The following SGMS1 variants were observed in gnomAD, a reference collection of about 807,000 sequenced individuals.
The protein encoded by SGMS1 is sphingomyelin synthase 1, also known as phosphatidylcholine:ceramide cholinephosphotransferase 1.
A neutral mutation model predicts 46.2 loss-of-function variants in SGMS1; 13 were observed. The observed-to-expected ratio is 0.28, with a 90% confidence interval of 0.18 to 0.45. The LOEUF is 0.45. Among genes scored for constraint, SGMS1 ranks in the 20% least tolerant of loss-of-function variants. The probability of loss-of-function intolerance (pLI) is 1.00; values close to 1 mark genes in which losing one functional copy is unlikely to be tolerated. For synonymous variants in SGMS1, 203 were observed against 187.8 expected, an observed-to-expected ratio of 1.08 and a Z score of -0.66; for missense variants, 324 against 519.9, an observed-to-expected ratio of 0.62 and a Z score of 3.66.
intron 2 of SGMS1, among the ~76,000 whole-genome samples, chr10:50,572,866 G>A (rs1047835806): frequency 6.6e-6 from 1 of 152,090 alleles, no homozygotes; most frequent in Non-Finnish European, 1.5e-5. Flanking sequence ...AACACCAAGA[G>A]AGAACCCTCC....
At chr10:50,429,694 T>TACACACAC (rs71471389) in intron 6 of SGMS1, among the ~76,000 whole-genome samples, 4 of 83,306 alleles carry the variant, frequency 4.8e-5, no homozygotes, top group African/African-American at 1.4e-4. Context: ...TTTCTACACA[T>TACACACAC]ACACACACAC....
chr10:50,437,687 C>T (rs1039164989), intron 5 of SGMS1, among the ~76,000 whole-genome samples: 1 of 152,186 alleles, frequency 6.6e-6, no homozygotes, highest in Non-Finnish European at 1.5e-5. Context: ...GCTAATGATT[C>T]TAACCTGAAA....
At chr10:50,574,127 G>A (rs1838359418) in intron 2 of SGMS1, among the ~76,000 whole-genome samples, 1 of 151,788 alleles carries the variant, frequency 6.6e-6, no homozygotes, top group Non-Finnish European at 1.5e-5. Context: ...TGATTCCTTG[G>A]ATATAACACC....
At position 50,418,904 on chromosome 10, in the gene SGMS1, C is replaced by T. The variant is rs114889071; in HGVS notation, c.-232+14572G>A. Among the ~76,000 whole-genome samples the T allele has an allele frequency of 1.4e-3, 214 of 152,276 alleles. 1 individual carries two copies. The highest frequency in any genetic ancestry group is 4.5e-3 in the African/African-American group (187 of 41,542). On this transcript the variant is annotated intron_variant, in intron 6 of 10. Coordinates refer to ENST00000361781, the MANE Select transcript of SGMS1 (RefSeq NM_147156.4). The stretch of plus-strand genomic sequence containing the variant: ...TATGCAGTTTCTCTTTCTGCTGTGT[C>T]CGTTACCCCGCCCCTTCAGTTGCAG...
At chr10:50,308,270 T>A in intron 9 of SGMS1, 122 bp from the exon 10 acceptor site, 1 of 842,418 alleles carries the variant, frequency 1.2e-6, no homozygotes, top group Non-Finnish European at 1.8e-6. Flanking sequence ...AAAACAGATC[T>A]AGTGAATCTA....
intron 6 of SGMS1, among the ~76,000 whole-genome samples, chr10:50,368,635 C>T (rs919886216): frequency 3.3e-4 from 51 of 152,300 alleles, no homozygotes; most frequent in African/African-American, 1.2e-3. Flanking sequence ...GGATTACAGG[C>T]GTGAGCCACT....
chr10:50,593,792 T>C (rs1018979247), intron 1 of SGMS1, among the ~76,000 whole-genome samples: 5 of 152,250 alleles, frequency 3.3e-5, no homozygotes, highest in Admixed American at 2.0e-4. Context: ...TTCATTCATT[T>C]TGTCACCACG....
At chr10:50,472,452 T>G (rs1336722092) in intron 3 of SGMS1, among the ~76,000 whole-genome samples, 1 of 152,194 alleles carries the variant, frequency 6.6e-6, no homozygotes, top group Non-Finnish European at 1.5e-5. Flanking sequence ...AGTAACATAA[T>G]GTCCTCCAGG....
chr10:50,593,400 T>C (rs1426953302), intron 1 of SGMS1, among the ~76,000 whole-genome samples: 4 of 152,252 alleles, frequency 2.6e-5, no homozygotes, highest in African/African-American at 9.6e-5. Context: ...AGGTGCTAAG[T>C]CTTGAGGTTT....
chr10:50,327,245 G>T lies in SGMS1; in HGVS notation c.701C>A (p.Thr234Lys), dbSNP rs754412711. Residue 234 changes from threonine to lysine, a missense_variant, in exon 8 of 11, where the codon ACA becomes AAA. This residue lies in a region of SGMS1 where 174 missense variants were observed against 350.1 expected (regional missense o/e 0.50). Coordinates refer to ENST00000361781, the MANE Select transcript of SGMS1 (RefSeq NM_147156.4). Reference protein sequence around the residue: ...LYRCITMYVTTLPVPGMHFNC... With the variant: ...LYRCITMYVTKLPVPGMHFNC... ...GAAATGCATACCAGGTACTGGGAGTGTAGTTACATACATTGTAATACACCG... is the reference window on the plus strand; with the variant it reads ...GAAATGCATACCAGGTACTGGGAGTTTAGTTACATACATTGTAATACACCG... 6.2e-7 allele frequency: 1 copy of T among 1,606,934 alleles called. No individual in the cohort carries two copies. The highest frequency in any genetic ancestry group is 8.5e-7 in the Non-Finnish European group (1 of 1,174,982).
At chr10:50,327,380 A>G (rs990574293) in intron 7 of SGMS1, 58 bp from the exon 8 acceptor site, 1 of 1,013,164 alleles carries the variant, frequency 9.9e-7, no homozygotes, top group African/African-American at 1.6e-5. Context: ...AGGTTCATTT[A>G]CTGTAATTTT....
intron 3 of SGMS1, among the ~76,000 whole-genome samples, chr10:50,488,024 T>TTG (rs1564926590): frequency 1.0e-4 from 14 of 138,568 alleles, no homozygotes; most frequent in African/African-American, 3.5e-4. Context: ...TTTATTTATT[T>TTG]ATTTATTGAG....
At chr10:50,445,953 G>T (rs1042617632) in intron 5 of SGMS1, among the ~76,000 whole-genome samples, 3 of 152,018 alleles carry the variant, frequency 2.0e-5, no homozygotes, top group African/African-American at 7.3e-5. Context: ...GGCTGCTTTG[G>T]GAATGTCTGT....
intron 8 of SGMS1, among the ~76,000 whole-genome samples, chr10:50,321,879 C>G (rs1847452012): frequency 6.6e-6 from 1 of 152,164 alleles, no homozygotes. Context: ...GAACTTGTGC[C>G]AGCATAGGGA....
At chr10:50,341,611 C>G (rs1431306718) in intron 7 of SGMS1, among the ~76,000 whole-genome samples, 2 of 152,292 alleles carry the variant, frequency 1.3e-5, no homozygotes, top group East Asian at 3.9e-4. Context: ...CGTCATTATT[C>G]CGTTTGTGAG....
At chr10:50,395,455 C>A (rs1040581438) in intron 6 of SGMS1, among the ~76,000 whole-genome samples, 2 of 152,148 alleles carry the variant, frequency 1.3e-5, no homozygotes, top group Non-Finnish European at 2.9e-5. Context: ...CCAACCTAAG[C>A]TTGGCAACTC....
At chr10:50,600,393 C>T (rs1201496676) in intron 1 of SGMS1, among the ~76,000 whole-genome samples, 1 of 152,190 alleles carries the variant, frequency 6.6e-6, no homozygotes, top group Non-Finnish European at 1.5e-5. Flanking sequence ...TCACATTCTC[C>T]ATCTAGCACT....
intron 6 of SGMS1, among the ~76,000 whole-genome samples, chr10:50,352,353 T>A (rs879387388): frequency 6.6e-6 from 1 of 152,182 alleles, no homozygotes; most frequent in Non-Finnish European, 1.5e-5. Flanking sequence ...GAAGACTGTA[T>A]GTTAGCCTGG....
chr10:50,491,454 C>T (rs1162924329), intron 3 of SGMS1, among the ~76,000 whole-genome samples: 1 of 152,158 alleles, frequency 6.6e-6, no homozygotes, highest in African/African-American at 2.4e-5. Context: ...AATTCTTCAT[C>T]CAGCAAAGTG....
Sources: allele counts gnomAD v4.1 joint callset (sites outside exome capture counted in the v4.1 genomes callset), GRCh38; gene constraint gnomAD v4.1.1; regional missense constraint gnomAD v4.1.1; transcripts MANE v1.5; gene names NCBI Gene and HGNC (gene_info 2026-07-23, HGNC 2026-07-21).